The following COL19A1 variants were observed in gnomAD, a reference collection of about 807,000 sequenced individuals.
COL19A1 encodes collagen alpha-1(XIX) chain.
A neutral mutation model predicts 190.2 loss-of-function variants in COL19A1; 159 were observed. That is an observed-to-expected ratio of 0.84 (90% CI 0.73 to 0.95). The LOEUF (loss-of-function observed/expected upper bound fraction) is 0.95, where lower values mean the gene tolerates loss of function less well. Among genes scored for constraint, COL19A1 ranks in the 40% least tolerant of loss-of-function variants. COL19A1 has a pLI of 0.00. For missense variants in COL19A1, 1,418 were observed against 1,431.9 expected, an observed-to-expected ratio of 0.99 and a Z score of 0.16; for synonymous variants, 509 against 458.9, an observed-to-expected ratio of 1.11 and a Z score of -1.39.
intron 15 of COL19A1, among the ~76,000 whole-genome samples, chr6:70,096,098 T>G (rs940531113): frequency 6.6e-6 from 1 of 151,562 alleles, no homozygotes; most frequent in Admixed American, 6.6e-5. Flanking sequence ...TTTTTTTTTT[T>G]TGAGAGAGGG....
chr6:70,144,335 T>C lies in COL19A1; in HGVS notation c.1680+72T>C. ...AAGAGACAGAGGATCATAAGGGAGA[T>C]GAAAGGACAGCCCAGGGCTTCTGGG... On this transcript the variant is annotated intron_variant, in intron 24 of 50. Coordinates refer to ENST00000620364, the MANE Select transcript of COL19A1 (RefSeq NM_001858.6). 5 of 1,335,952 alleles carry C rather than the reference T, an allele frequency of 3.7e-6. No homozygotes were observed. In the African/African-American group the frequency reaches 5.8e-5, roughly 16 times the overall value. 82.8% of individuals were successfully genotyped at this position (1,335,952 alleles called of 1,614,324 possible).
intron 33 of COL19A1, 25 bp downstream of exon 33, chr6:70,156,394 C>T (rs775787738): frequency 1.9e-6 from 3 of 1,609,094 alleles, no homozygotes; most frequent in Non-Finnish European, 2.5e-6. Context: ...CCTCCACTTT[C>T]CCCTGTGGGA....
chr6:70,073,987 A>C (rs1424306569), intron 15 of COL19A1, among the ~76,000 whole-genome samples: 2 of 152,200 alleles, frequency 1.3e-5, no homozygotes, highest in Non-Finnish European at 2.9e-5. Context: ...CATTAGGTAA[A>C]AGGACATCAA....
At chr6:69,978,654 G>A (rs1775861639) in intron 11 of COL19A1, among the ~76,000 whole-genome samples, 1 of 151,356 alleles carries the variant, frequency 6.6e-6, no homozygotes, top group South Asian at 2.1e-4. Flanking sequence ...TAAAAATAAT[G>A]AAAATATGCT....
intron 2 of COL19A1, among the ~76,000 whole-genome samples, chr6:69,896,365 G>A (rs1237874417): frequency 6.6e-6 from 1 of 151,048 alleles, no homozygotes; most frequent in African/African-American, 2.4e-5. Flanking sequence ...GTGAAACCCC[G>A]TCTCTACTAA....
At chr6:69,963,085 T>C (rs1472365979) in intron 11 of COL19A1, among the ~76,000 whole-genome samples, 1 of 152,210 alleles carries the variant, frequency 6.6e-6, no homozygotes, top group Non-Finnish European at 1.5e-5. Flanking sequence ...AATAGTTAGA[T>C]ATTTCTAGTT....
intron 34 of COL19A1, among the ~76,000 whole-genome samples, chr6:70,157,169 C>T (rs1787491680): frequency 6.6e-6 from 1 of 152,056 alleles, no homozygotes; most frequent in Non-Finnish European, 1.5e-5. Flanking sequence ...TAAACTTCAG[C>T]AACCTTGGAT....
intron 16 of COL19A1, among the ~76,000 whole-genome samples, chr6:70,109,085 C>T (rs1784133230): frequency 1.3e-5 from 2 of 152,092 alleles, no homozygotes; most frequent in East Asian, 3.9e-4. Context: ...TTATAACTTA[C>T]TGTCTGTGGT....
intron 4 of COL19A1, among the ~76,000 whole-genome samples, chr6:69,912,112 C>G (rs1770968361): frequency 6.6e-6 from 1 of 152,138 alleles, no homozygotes; most frequent in Non-Finnish European, 1.5e-5. Flanking sequence ...CTCTGTCATA[C>G]CATGCCCACC....
At chr6:69,921,350 TATCATA>T (rs1165507362) in intron 4 of COL19A1, among the ~76,000 whole-genome samples, 2 of 127,916 alleles carry the variant, frequency 1.6e-5, no homozygotes, top group Non-Finnish European at 3.1e-5. Context: ...ATATATCATA[TATCATA>T]ATCATATATA....
At chr6:70,067,550 G>A (rs962073156) in intron 14 of COL19A1, among the ~76,000 whole-genome samples, 8 of 152,056 alleles carry the variant, frequency 5.3e-5, no homozygotes, top group Non-Finnish European at 1.0e-4. Flanking sequence ...CATCAAGCAC[G>A]TCGTGGGTCT....
intron 17 of COL19A1, among the ~76,000 whole-genome samples, chr6:70,126,767 T>C (rs539803133): frequency 5.8e-4 from 89 of 152,338 alleles, no homozygotes; most frequent in African/African-American, 2.1e-3. Context: ...ATGAAGGCGT[T>C]GTCAGGACCA....
intron 11 of COL19A1, among the ~76,000 whole-genome samples, chr6:69,992,536 G>T (rs1776685653): frequency 6.6e-6 from 1 of 151,996 alleles, no homozygotes; most frequent in South Asian, 2.1e-4. Context: ...TCTATAAATT[G>T]CTTTGGGTAA....
chr6:69,892,729 C>T (rs918563473), intron 2 of COL19A1, among the ~76,000 whole-genome samples: 2 of 152,150 alleles, frequency 1.3e-5, no homozygotes, highest in African/African-American at 4.8e-5. Context: ...TCTTTACTGA[C>T]CACAGGTCAG....
chr6:70,108,433 C>A (rs1784097772), intron 16 of COL19A1, among the ~76,000 whole-genome samples: 1 of 152,042 alleles, frequency 6.6e-6, no homozygotes, highest in Non-Finnish European at 1.5e-5. Flanking sequence ...TAACATGGGG[C>A]AACAGCTCCA....
At position 70,125,960 on chromosome 6, in the gene COL19A1, G is replaced by GA. The variant is rs76740599; in HGVS notation, c.1341+4027dup. ...AGTTCCTTACTACACTTTAAATGGA[G>GA]AAAAAAAAATACGTTTTATCTGCGG... is the stretch of plus-strand genomic sequence containing the variant. On this transcript the variant is annotated intron_variant, in intron 17 of 50. Coordinates refer to ENST00000620364, the MANE Select transcript of COL19A1 (RefSeq NM_001858.6). Among the ~76,000 whole-genome samples, 16 of 151,166 alleles carry GA rather than the reference G, an allele frequency of 1.1e-4. No individual in the cohort carries two copies. The East Asian group carries it at 1.7e-3, about 16-fold the overall frequency.
intron 12 of COL19A1, among the ~76,000 whole-genome samples, chr6:70,027,279 T>C (rs1448506048): frequency 2.0e-5 from 3 of 152,188 alleles, no homozygotes; most frequent in Non-Finnish European, 4.4e-5. Flanking sequence ...CAATGTATCT[T>C]ATAATAACTT....
intron 11 of COL19A1, among the ~76,000 whole-genome samples, chr6:69,983,311 C>T (rs1348532953): frequency 6.6e-6 from 1 of 152,030 alleles, no homozygotes; most frequent in Admixed American, 6.5e-5. Flanking sequence ...CTTCCAATTG[C>T]TTCTAGTATA....
chr6:70,071,999 G>A (rs1249331923), intron 15 of COL19A1, among the ~76,000 whole-genome samples: 1 of 152,062 alleles, frequency 6.6e-6, no homozygotes, highest in Non-Finnish European at 1.5e-5. Flanking sequence ...AAATGTGTAA[G>A]GAAATTAGGG....
Sources: allele counts gnomAD v4.1 joint callset (sites outside exome capture counted in the v4.1 genomes callset), GRCh38; gene constraint gnomAD v4.1.1; transcripts MANE v1.5; gene names NCBI Gene and HGNC (gene_info 2026-07-23, HGNC 2026-07-21).